The following PLA2G4E variants were observed in gnomAD, a reference collection of about 807,000 sequenced individuals.
PLA2G4E encodes phospholipase A2 group IVE, also known as cytosolic phospholipase A2 epsilon.
Under a neutral mutation model 109.1 loss-of-function variants are expected in PLA2G4E, and 84 were observed. The ratio of observed to expected loss-of-function variants is 0.77; its 90% CI spans 0.65 to 0.92. The LOEUF is 0.92. PLA2G4E is among the 40% of genes least tolerant of loss of function. PLA2G4E has a pLI of 0.00. For synonymous variants in PLA2G4E, 469 were observed against 436.1 expected (o/e 1.08, Z -0.94); for missense variants, 1,057 against 1,076.6 (o/e 0.98, Z 0.25).
chr15:42,049,890 G>A (rs970061455), intron 1 of PLA2G4E, among the ~76,000 whole-genome samples: 2 of 152,218 alleles, frequency 1.3e-5, no homozygotes, highest in African/African-American at 4.8e-5. Flanking sequence ...GGCAGACCTG[G>A]ATCACCTGAT....
chr15:42,012,789 C>T (rs1407814099), intron 2 of PLA2G4E, among the ~76,000 whole-genome samples: 1 of 152,212 alleles, frequency 6.6e-6, no homozygotes, highest in Non-Finnish European at 1.5e-5. Flanking sequence ...CTTCTCTGCC[C>T]CTCTCAGGCC....
At chr15:41,990,076 T>TC (rs541560434) in intron 14 of PLA2G4E, 45 bp downstream of exon 14, 26 of 1,530,382 alleles carry the variant, frequency 1.7e-5, no homozygotes, top group Middle Eastern at 2.3e-4. Context: ...CACCAAGAAG[T>TC]CCCCCCCTCC....
chr15:42,007,795 G>A, exon 3 of PLA2G4E: 1 of 1,611,972 alleles, frequency 6.2e-7, no homozygotes, highest in Non-Finnish European at 8.5e-7. Flanking sequence ...AGTTGGAGAT[G>A]GTCCTTGTCC....
At chr15:42,011,663 G>A (rs1012842174) in intron 2 of PLA2G4E, among the ~76,000 whole-genome samples, 4 of 152,128 alleles carry the variant, frequency 2.6e-5, no homozygotes, top group Non-Finnish European at 5.9e-5. Context: ...CCAGGAGGTC[G>A]AGGCTGCAGT....
chr15:42,041,087 G>C (rs919647801), intron 1 of PLA2G4E, among the ~76,000 whole-genome samples: 5 of 152,298 alleles, frequency 3.3e-5, no homozygotes, highest in Middle Eastern at 3.4e-3. Context: ...ATAGGATGTA[G>C]ATTAGAGCAA....
rs1224290803 is a variant in PLA2G4E, at chr15:42,013,763, G to A, written c.184-6C>T. ...TGGCATGGAGACAGCCCCTCCTGTG[G>A]AAGGAGAGGACAGAGGACTCAGTCT... On this transcript the variant is annotated splice_region_variant and splice_polypyrimidine_tract_variant and intron_variant, in intron 1 of 19. Coordinates refer to ENST00000399518, the Ensembl canonical transcript of PLA2G4E. The A allele has an allele frequency of 6.5e-7, 1 of 1,549,334 alleles. No homozygotes were observed. Among genetic ancestry groups the A allele is most frequent in the Non-Finnish European group, 8.7e-7 (1 of 1,146,130 alleles).
At chr15:42,026,000 AG>A (rs1250322982) in intron 1 of PLA2G4E, among the ~76,000 whole-genome samples, 1 of 152,244 alleles carries the variant, frequency 6.6e-6, no homozygotes, top group Non-Finnish European at 1.5e-5. Context: ...AAAACCTAGA[AG>A]CAAATAGGGA....
At chr15:42,047,836 A>G (rs537432007) in intron 1 of PLA2G4E, among the ~76,000 whole-genome samples, 37 of 152,298 alleles carry the variant, frequency 2.4e-4, no homozygotes, top group Non-Finnish European at 1.0e-4. Flanking sequence ...AAACACCTAT[A>G]AAAACTGACA....
chr15:42,001,794 C>T (rs1475891674), intron 6 of PLA2G4E, among the ~76,000 whole-genome samples: 1 of 152,168 alleles, frequency 6.6e-6, no homozygotes, highest in Non-Finnish European at 1.5e-5. Flanking sequence ...TGGGCTCAAG[C>T]GATCCTCCCA....
At chr15:41,986,351 A>G (rs2068141751) in intron 17 of PLA2G4E, among the ~76,000 whole-genome samples, 1 of 152,156 alleles carries the variant, frequency 6.6e-6, no homozygotes, top group Non-Finnish European at 1.5e-5. Context: ...GGCCACGGCC[A>G]ATTAAAATAT....
chr15:42,014,964 GAAC>G (rs1369905719), intron 1 of PLA2G4E, among the ~76,000 whole-genome samples: 1 of 152,086 alleles, frequency 6.6e-6, no homozygotes, highest in Non-Finnish European at 1.5e-5. Flanking sequence ...TGGGGTGTGG[GAAC>G]ACTCCCAGCC....
intron 5 of PLA2G4E, among the ~76,000 whole-genome samples, chr15:42,004,257 G>A (rs898381616): frequency 7.4e-4 from 112 of 151,908 alleles, no homozygotes; most frequent in African/African-American, 2.5e-3. Context: ...AGCTGAGATC[G>A]CACCACTGTA....
At chr15:42,037,760 C>T (rs547470668) in intron 1 of PLA2G4E, among the ~76,000 whole-genome samples, 15 of 152,206 alleles carry the variant, frequency 9.9e-5, no homozygotes, top group Non-Finnish European at 1.9e-4. Context: ...CTGTGGTTCC[C>T]GGCATCTCCA....
chr15:42,037,768 C>T (rs1229726552), intron 1 of PLA2G4E, among the ~76,000 whole-genome samples: 1 of 152,230 alleles, frequency 6.6e-6, no homozygotes, highest in Admixed American at 6.5e-5. Context: ...CCCGGCATCT[C>T]CAAGCTTCTG....
At chr15:42,000,199 A>C (rs998675749) in exon 8 of PLA2G4E, 81 of 1,592,932 alleles carry the variant, frequency 5.1e-5, no homozygotes, top group Non-Finnish European at 6.8e-5. Context: ...AAGCAGGCAG[A>C]GGTTGGGCAG....
chr15:42,049,702 T>C (rs1889474676), intron 1 of PLA2G4E, among the ~76,000 whole-genome samples: 1 of 152,100 alleles, frequency 6.6e-6, no homozygotes, highest in Non-Finnish European at 1.5e-5. Context: ...TGGCCAGTTC[T>C]CCCTGTAAGC....
intron 12 of PLA2G4E, among the ~76,000 whole-genome samples, chr15:41,993,553 T>C (rs187470783): frequency 1.3e-5 from 2 of 152,264 alleles, no homozygotes; most frequent in African/African-American, 4.8e-5. Context: ...CTTCTTAACT[T>C]ACATGTTGGT....
rs139522193 is a variant in PLA2G4E, at chr15:42,010,142, C to CCCT, written c.257-2278_257-2277insAGG. 12 of 459,748 alleles carry CCCT rather than the reference C, an allele frequency of 2.6e-5. 1 individual carries two copies. In the African/African-American group the frequency reaches 2.7e-4, roughly 10 times the overall value. 28.5% of individuals were successfully genotyped at this position (459,748 alleles called of 1,614,324 possible). A position where few individuals can be genotyped will look rare whatever the true frequency, so the allele number is the denominator to read the frequency against. ...TTTTCCAGAACACTGGCCCCCCCAC[C>CCCT]CCGGGCCTGGACCACACCCTTCAGG... is the stretch of plus-strand genomic sequence containing the variant. On this transcript the variant is annotated intron_variant, in intron 2 of 19. Coordinates refer to ENST00000399518, the Ensembl canonical transcript of PLA2G4E.
exon 4 of PLA2G4E, chr15:42,006,036 A>G: frequency 6.2e-7 from 1 of 1,613,960 alleles, no homozygotes. Context: ...TCGGAAACAG[A>G]GCTTGGTGAG....
Sources: gnomAD v4.1 joint callset for allele counts (sites outside exome capture counted in the v4.1 genomes callset) on GRCh38, gnomAD v4.1.1 for gene constraint, MANE v1.5 for transcripts, NCBI Gene and HGNC (gene_info 2026-07-23, HGNC 2026-07-21) for gene names.